Variants in LMAN1 observed in about 807,000 individuals in gnomAD.
LMAN1 encodes the protein protein ERGIC-53.
LMAN1 carries 32 observed loss-of-function variants against 67.8 expected under a neutral mutation model. The observed-to-expected ratio is 0.47, with a 90% CI of 0.36 to 0.63. LMAN1 has a LOEUF of 0.63. Among genes scored for constraint, LMAN1 ranks in the 30% least tolerant of loss-of-function variants. The pLI is 0.00. For missense variants in LMAN1, 632 were observed against 628.2 expected, an observed-to-expected ratio of 1.01 and a Z score of -0.06; for synonymous variants, 235 against 219.3, an observed-to-expected ratio of 1.07 and a Z score of -0.63.
At chr18:59,358,385 GA>G (rs1413613786) in intron 1 of LMAN1, among the ~76,000 whole-genome samples, 2 of 152,180 alleles carry the variant, frequency 1.3e-5, no homozygotes, top group Admixed American at 6.5e-5. Context: ...TACTACGAGA[GA>G]AAAGATCAAA....
intron 5 of LMAN1, chr18:59,352,936 T>A (rs1450677968): frequency 1.0e-5 from 4 of 393,826 alleles, no homozygotes; most frequent in Non-Finnish European, 4.8e-6. Flanking sequence ...TCTATCTATC[T>A]ATCTATAGAT....
chr18:59,353,078 G>GT (rs1250344632), intron 5 of LMAN1, 124 bp downstream of exon 5: 39 of 836,192 alleles, frequency 4.7e-5, no homozygotes, highest in Admixed American at 2.1e-4. Flanking sequence ...TTCTCTTAGA[G>GT]TAACAATGAA....
At chr18:59,342,222 G>T (rs1296423154) in intron 8 of LMAN1, among the ~76,000 whole-genome samples, 1 of 151,896 alleles carries the variant, frequency 6.6e-6, no homozygotes, top group Non-Finnish European at 1.5e-5. Context: ...GGACTAGATG[G>T]ACTTATAGCT....
chr18:59,350,315 C>A (rs1204950947), intron 5 of LMAN1, among the ~76,000 whole-genome samples: 1 of 152,048 alleles, frequency 6.6e-6, no homozygotes, highest in African/African-American at 2.4e-5. Context: ...CTCCACAGAG[C>A]CTTTTAAATT....
chr18:59,336,920 T>TA (rs149850353), intron 10 of LMAN1, among the ~76,000 whole-genome samples: 18,157 of 150,406 alleles, frequency 0.12, 1,165 homozygotes, highest in Admixed American at 0.16. Flanking sequence ...AAATAAAAAT[T>TA]AAAAAAAAAT....
At position 59,331,129 on chromosome 18, in the gene LMAN1, C is replaced by T; in HGVS notation, c.1497G>A (p.Arg499=). The T allele has an allele frequency of 6.2e-7, 1 of 1,610,740 alleles. No homozygotes were observed. The highest frequency in any genetic ancestry group is 1.1e-5 in the South Asian group (1 of 90,710). Residue 499 remains arginine, a splice_region_variant and synonymous_variant, in exon 13 of 13, where the codon AGG becomes AGA. Coordinates refer to ENST00000251047, the MANE Select transcript of LMAN1 (RefSeq NM_005570.4). ...TTTTGGCAGCTGCTTCTTGCTGAGACCTAATGAAAAAAAGAAACAAACACT... is the reference window on the plus strand; with the variant it reads ...TTTTGGCAGCTGCTTCTTGCTGAGATCTAATGAAAAAAAGAAACAAACACT... The part of the protein sequence containing the change: ...TVLFIGYIMY[R]SQQEAAAKKF...
chr18:59,338,984 G>A (rs372627367), intron 8 of LMAN1, 31 bp from the exon 9 acceptor site: 161 of 1,582,480 alleles, frequency 1.0e-4, no homozygotes, highest in Non-Finnish European at 1.4e-4. Context: ...AATGATCAGA[G>A]TCACCTACAC....
intron 7 of LMAN1, among the ~76,000 whole-genome samples, chr18:59,347,246 G>A (rs1055872125): frequency 3.6e-5 from 5 of 139,268 alleles, no homozygotes; most frequent in Admixed American, 3.1e-4. Context: ...GTGTGAACCC[G>A]GGAGGCGGAG....
chr18:59,353,253 G>A lies in LMAN1; in HGVS notation c.588C>T (p.Asn196=), dbSNP rs767724979. The A allele has an allele frequency of 9.3e-6, 15 of 1,614,164 alleles. No individual in the cohort carries two copies. The East Asian group carries it at 3.3e-4, about 36-fold the overall frequency. Residue 196 remains asparagine, a synonymous_variant, in exon 5 of 13, where the codon AAC becomes AAT. Transcript: ENST00000251047. Reference sequence around the variant, plus strand: ...TCTTTGCTCGGACAGGATAGGGTTTGTTGCGGAAGTCCCTCTGGCAACTTG... The same window carrying A: ...TCTTTGCTCGGACAGGATAGGGTTTATTGCGGAAGTCCCTCTGGCAACTTG... ...ALASCQRDFR[N]KPYPVRAKIT...
chr18:59,347,405 T>C (rs1159037602), intron 7 of LMAN1, 108 bp downstream of exon 7: 9 of 549,204 alleles, frequency 1.6e-5, no homozygotes, highest in African/African-American at 6.5e-5. Flanking sequence ...CAAGACCATA[T>C]AGCAGTAACT....
At chr18:59,356,967 T>G (rs1298889793) in intron 1 of LMAN1, among the ~76,000 whole-genome samples, 1 of 152,128 alleles carries the variant, frequency 6.6e-6, no homozygotes, top group Non-Finnish European at 1.5e-5. Context: ...CACCATAGAT[T>G]TGGTCTTAAT....
chr18:59,336,782 G>A (rs947997790), intron 10 of LMAN1, among the ~76,000 whole-genome samples: 3 of 152,122 alleles, frequency 2.0e-5, no homozygotes, highest in Non-Finnish European at 4.4e-5. Flanking sequence ...TACTCAGGAG[G>A]CTGAGATGGG....
intron 10 of LMAN1, among the ~76,000 whole-genome samples, chr18:59,338,353 A>G (rs1908209465): frequency 1.3e-5 from 2 of 152,212 alleles, no homozygotes; most frequent in Admixed American, 1.3e-4. Flanking sequence ...TTCCAGCTCT[A>G]AACAATTAAA....
Position 59,355,667 on chromosome 18 carries a change from G to C in LMAN1, c.215-9C>G. On this transcript the variant is annotated splice_polypyrimidine_tract_variant and intron_variant, in intron 1 of 12. Transcript: ENST00000251047. ...TGAACTTGGAATAGCATCTAGAACA[G>C]AAATCAGGGGAAAAAAGCTTTAAGT... is the stretch of plus-strand genomic sequence containing the variant. 6.2e-7 allele frequency: 1 copy of C among 1,612,420 alleles called. No homozygotes were observed. The highest frequency in any genetic ancestry group is 8.5e-7 in the Non-Finnish European group (1 of 1,179,748).
chr18:59,343,907 T>C (rs1282375883), intron 8 of LMAN1, among the ~76,000 whole-genome samples: 1 of 152,092 alleles, frequency 6.6e-6, no homozygotes, highest in African/African-American at 2.4e-5. Flanking sequence ...AACGAAGGGC[T>C]AATATCCAGA....
In LMAN1 at chr18:59,338,918, G is replaced by T; in HGVS notation, c.991C>A (p.Leu331Ile). The T allele has an allele frequency of 6.2e-7, 1 of 1,613,232 alleles. No individual in the cohort carries two copies. The change falls in exon 9 of 13, where the codon CTA (leucine) becomes ATA (isoleucine). Residue 331 changes from leucine (L) to isoleucine (I), a missense_variant. By Grantham distance (5) the Leu-to-Ile change is conservative. Transcript: ENST00000251047. ...EIFESVGDRE[L>I]RQVFEGQNRI... Reference sequence around the variant, plus strand: ...TTCTGTCCTTCAAAGACTTGTCTTAGCTCTCGATCTCCTACACTCTCAAAT... The same window carrying T: ...TTCTGTCCTTCAAAGACTTGTCTTATCTCTCGATCTCCTACACTCTCAAAT...
rs1263779817 is a variant in LMAN1, at chr18:59,329,235, C to T, written c.*1858G>A. 6.6e-6 allele frequency: 1 copy of T among 152,096 alleles called. No individual in the cohort carries two copies. The highest frequency in any genetic ancestry group is 1.5e-5 in the Non-Finnish European group (1 of 68,010). The allele number at this position is 152,096 out of a possible 1,614,324, so 9.4% of individuals were successfully genotyped here. ...CATGCTCATGCTGTTTCATAATAGCCATCTCCATTTGTAGTAAGAATAATC... is the reference window on the plus strand; with the variant it reads ...CATGCTCATGCTGTTTCATAATAGCTATCTCCATTTGTAGTAAGAATAATC... On this transcript the variant is annotated 3_prime_UTR_variant, in exon 13 of 13. Transcript: ENST00000251047.
chr18:59,337,528 G>A (rs1908186877), intron 10 of LMAN1, among the ~76,000 whole-genome samples: 1 of 152,102 alleles, frequency 6.6e-6, no homozygotes, highest in South Asian at 2.1e-4. Flanking sequence ...GGTGAAGAAT[G>A]TATAGAAACT....
chr18:59,335,020 T>C (rs187451862), intron 10 of LMAN1, among the ~76,000 whole-genome samples: 1 of 152,296 alleles, frequency 6.6e-6, no homozygotes, highest in African/African-American at 2.4e-5. Flanking sequence ...ACTGGACAGC[T>C]AGGACGTCCT....
Sources: gnomAD v4.1 joint callset for allele counts (sites outside exome capture counted in the v4.1 genomes callset) on GRCh38, gnomAD v4.1.1 for gene constraint, MANE v1.5 for transcripts, NCBI Gene and HGNC (gene_info 2026-07-23, HGNC 2026-07-21) for gene names.